RNASEH2B: variants seen among roughly 807,000 people sequenced by gnomAD.
RNASEH2B encodes Aicardi-Goutieres syndrome 2 protein.
In RNASEH2B, 36 loss-of-function variants were observed where a neutral mutation model predicts 45.0. The ratio of observed to expected loss-of-function variants is 0.80; its 90% confidence interval spans 0.61 to 1.06. The LOEUF (loss-of-function observed/expected upper bound fraction) is 1.06. Ranked by LOEUF, RNASEH2B falls within the 50% of genes least tolerant of loss-of-function variation. RNASEH2B has a pLI of 0.00. For missense variants in RNASEH2B, 361 were observed against 360.3 expected, an observed-to-expected ratio of 1.00 and a Z score of -0.02; for synonymous variants, 119 against 125.7, an observed-to-expected ratio of 0.95 and a Z score of 0.35.
intron 8 of RNASEH2B, chr13:50,948,945 T>C (rs1166506165): frequency 6.5e-6 from 1 of 153,622 alleles, no homozygotes; most frequent in African/African-American, 2.4e-5. Context: ...CTGCTTGTCT[T>C]GTTAGAGACC....
chr13:50,939,630 G>A (rs1951809824), intron 5 of RNASEH2B, among the ~76,000 whole-genome samples: 1 of 152,070 alleles, frequency 6.6e-6, no homozygotes, highest in Non-Finnish European at 1.5e-5. Flanking sequence ...CACTTATATG[G>A]TCAATTGATT....
At chr13:50,928,771 T>C (rs1220716801) in intron 2 of RNASEH2B, among the ~76,000 whole-genome samples, 1 of 152,142 alleles carries the variant, frequency 6.6e-6, no homozygotes, top group Non-Finnish European at 1.5e-5. Context: ...TTTATGTAAC[T>C]TCTCCAAGGG....
chr13:50,940,907 GA>G (rs1399751604), intron 5 of RNASEH2B: 1 of 152,216 alleles, frequency 6.6e-6, no homozygotes, highest in East Asian at 1.9e-4. Flanking sequence ...TTGGTAAAGT[GA>G]ACATCAGATC....
intron 9 of RNASEH2B, among the ~76,000 whole-genome samples, chr13:50,962,456 G>A (rs1384364337): frequency 6.6e-6 from 1 of 151,996 alleles, no homozygotes; most frequent in Non-Finnish European, 1.5e-5. Flanking sequence ...TTCAAGAAAT[G>A]TATCCATTTG....
chr13:50,927,284 G>A lies in RNASEH2B; in HGVS notation c.65-123G>A, dbSNP rs1047421045. The A allele has an allele frequency of 2.1e-5, 14 of 673,864 alleles. No individual in the cohort carries two copies. The East Asian group carries it at 3.7e-4, about 18-fold the overall frequency. The allele number at this position is 673,864 out of a possible 1,614,324, so 41.7% of individuals were successfully genotyped here. On this transcript the variant is annotated intron_variant, in intron 1 of 10. Transcript: ENST00000336617. ...GCTCAAGATCACAACATTTGTAAGT[G>A]ATAAATTGAGTTAAAAATCTTACAA...
At chr13:50,939,355 T>TAAAAAAAAA (rs1491391554) in intron 5 of RNASEH2B, among the ~76,000 whole-genome samples, 2 of 38,116 alleles carry the variant, frequency 5.2e-5, no homozygotes. Flanking sequence ...AGACTCTGTT[T>TAAAAAAAAA]CAAAAGAAAA....
rs989369246 is a variant in RNASEH2B at position 50,956,564 on chromosome 13, G to T, written c.*90G>T. 3.9e-6 allele frequency: 6 copies of T among 1,529,262 alleles called. No individual in the cohort carries two copies. Among genetic ancestry groups the T allele is most frequent in the Middle Eastern group, 2.3e-4 (1 of 4,260 alleles). 94.7% of individuals were successfully genotyped at this position (1,529,262 alleles called of 1,614,324 possible). On this transcript the variant is annotated 3_prime_UTR_variant, in exon 11 of 11. Coordinates refer to ENST00000336617, the MANE Select transcript of RNASEH2B (RefSeq NM_024570.4). ...CTGTTAATGACTACCTTTGGTTGGGGGAAGGAAGAGGCCAATTTCATGTTC... is the reference window on the plus strand; with the variant it reads ...CTGTTAATGACTACCTTTGGTTGGGTGAAGGAAGAGGCCAATTTCATGTTC...
rs1387848478 is a variant in RNASEH2B, at chr13:50,943,397, A to G, written c.510+3A>G. 11 of 1,590,360 alleles carry G rather than the reference A, an allele frequency of 6.9e-6. No homozygotes were observed. The highest frequency in any genetic ancestry group is 1.7e-5 in the Admixed American group (1 of 59,982). Reference sequence around the variant, plus strand: ...CATTAAAGTGGCTGGAAAAAAAGGTATAGTTCCTCTCTAGTGCCTTGTGGT... The same window carrying G: ...CATTAAAGTGGCTGGAAAAAAAGGTGTAGTTCCTCTCTAGTGCCTTGTGGT... On this transcript the variant is annotated splice_donor_region_variant and intron_variant, in intron 6 of 10. Coordinates refer to ENST00000336617, the MANE Select transcript of RNASEH2B (RefSeq NM_024570.4).
chr13:50,937,196 A>G (rs1225885444), intron 5 of RNASEH2B: 1 of 152,018 alleles, frequency 6.6e-6, no homozygotes, highest in Non-Finnish European at 1.5e-5. Flanking sequence ...TTAAAAACAG[A>G]AAGAAAAAGA....
chr13:50,918,293 A>T (rs1428864942), intron 1 of RNASEH2B, among the ~76,000 whole-genome samples: 1 of 152,020 alleles, frequency 6.6e-6, no homozygotes, highest in Non-Finnish European at 1.5e-5. Context: ...ACCCGCCACC[A>T]TGCCCAGCTA....
intron 4 of RNASEH2B, 130 bp downstream of exon 4, chr13:50,930,889 A>G: frequency 1.3e-6 from 1 of 783,868 alleles, no homozygotes. Context: ...ACTAGAGAAA[A>G]CATGAATCAT....
intron 4 of RNASEH2B, chr13:50,934,598 G>A: frequency 2.3e-6 from 1 of 426,756 alleles, no homozygotes; most frequent in Non-Finnish European, 4.4e-6. Flanking sequence ...GCAAGCTTCT[G>A]TGGCTTCCAG....
intron 4 of RNASEH2B, 147 bp downstream of exon 4, chr13:50,930,906 C>A: frequency 1.4e-6 from 1 of 714,682 alleles, no homozygotes; most frequent in Non-Finnish European, 2.5e-6. Context: ...TCATATGGGC[C>A]AGTGCAGGAC....
In RNASEH2B at chr13:50,929,286, C is replaced by G. The variant is rs531090966; in HGVS notation, c.137-189C>G. ...TTTAAGTCCAGTGAGGATTATGGAGCTGGAAAACTACCATCTATGTATAAT... is the reference window on the plus strand; with the variant it reads ...TTTAAGTCCAGTGAGGATTATGGAGGTGGAAAACTACCATCTATGTATAAT... On this transcript the variant is annotated intron_variant, in intron 2 of 10. Coordinates refer to ENST00000336617, the MANE Select transcript of RNASEH2B (RefSeq NM_024570.4). 3.9e-5 allele frequency among the ~76,000 whole-genome samples: 6 copies of G among 152,292 alleles called. No individual in the cohort carries two copies. In the South Asian group the frequency reaches 1.2e-3, roughly 32 times the overall value.
rs1952007064 is a variant in RNASEH2B at position 50,953,829 on chromosome 13, T to C, written c.742-76T>C. ...CCTCTGTAGAGGTCTAAATTATACA[T>C]GTTGGGTTTTTTTTTAATGGATTGA... On this transcript the variant is annotated intron_variant, in intron 9 of 10. Coordinates refer to ENST00000336617, the MANE Select transcript of RNASEH2B (RefSeq NM_024570.4). 4 of 968,884 alleles carry C rather than the reference T, an allele frequency of 4.1e-6. No individual in the cohort carries two copies. The South Asian group carries it at 5.3e-5, about 13-fold the overall frequency. 60.0% of individuals were successfully genotyped at this position (968,884 alleles called of 1,614,324 possible). A position where few individuals can be genotyped will look rare whatever the true frequency, so the allele number is the denominator to read the frequency against.
In RNASEH2B at chr13:50,909,801, C is replaced by A. The variant is rs1879224728; in HGVS notation, c.-276C>A. On this transcript the variant is annotated 5_prime_UTR_variant, in exon 1 of 11. Transcript: ENST00000336617. ...CGATGAGCACCTACCACTAGCGGAG[C>A]CGCGAGGGAGAGGCCGCGGCCCCTT... 1.9e-5 allele frequency: 7 copies of A among 364,034 alleles called. No individual in the cohort carries two copies. In the South Asian group the frequency reaches 3.4e-4, roughly 17 times the overall value. 22.6% of individuals were successfully genotyped at this position (364,034 alleles called of 1,614,324 possible).
intron 1 of RNASEH2B, among the ~76,000 whole-genome samples, chr13:50,921,548 G>A (rs1344231519): frequency 6.6e-6 from 1 of 152,196 alleles, no homozygotes; most frequent in Non-Finnish European, 1.5e-5. Context: ...TTTTCTCAGA[G>A]TAAATGGAAA....
chr13:50,946,803 A>G (rs1163960387), intron 7 of RNASEH2B, among the ~76,000 whole-genome samples: 1 of 152,098 alleles, frequency 6.6e-6, no homozygotes, highest in East Asian at 1.9e-4. Context: ...ATTTTACATT[A>G]TTTCATTTTT....
intron 1 of RNASEH2B, among the ~76,000 whole-genome samples, chr13:50,915,835 C>T (rs1172023363): frequency 6.6e-6 from 1 of 152,200 alleles, no homozygotes; most frequent in Non-Finnish European, 1.5e-5. Flanking sequence ...TTATCTGTCC[C>T]CGAAACAGCT....
Sources: allele counts gnomAD v4.1 joint callset (sites outside exome capture counted in the v4.1 genomes callset), GRCh38; gene constraint gnomAD v4.1.1; transcripts MANE v1.5; gene names NCBI Gene and HGNC (gene_info 2026-07-23, HGNC 2026-07-21).